The following DAB2IP variants were observed in gnomAD, a reference collection of about 807,000 sequenced individuals.
DAB2IP encodes disabled homolog 2-interacting protein.
In DAB2IP, 28 loss-of-function variants were observed where a neutral mutation model predicts 107.2. The ratio of observed to expected loss-of-function variants is 0.26; its 90% CI spans 0.19 to 0.36. The LOEUF is 0.36. Ranked by LOEUF, DAB2IP falls within the 10% of genes least tolerant of loss-of-function variation. The probability of loss-of-function intolerance (pLI) is 1.00; values close to 1 mark genes in which losing one functional copy is unlikely to be tolerated. For missense variants in DAB2IP, 1,400 were observed against 1,644.7 expected, an observed-to-expected ratio of 0.85 and a Z score of 2.57; for synonymous variants, 755 against 706.4, an observed-to-expected ratio of 1.07 and a Z score of -1.09.
At chr9:121,695,940 C>T (rs574833395) in intron 2 of DAB2IP, among the ~76,000 whole-genome samples, 81 of 152,302 alleles carry the variant, frequency 5.3e-4, no homozygotes, top group Non-Finnish European at 9.7e-4. Flanking sequence ...CCAAACTTGG[C>T]TCACTGCAGC....
chr9:121,715,874 GTTCTTGTAAAC>G (rs935679466), intron 3 of DAB2IP, among the ~76,000 whole-genome samples: 1 of 152,222 alleles, frequency 6.6e-6, no homozygotes, highest in African/African-American at 2.4e-5. Context: ...GTGCTTGTGA[GTTCTTGTAAAC>G]TTCCCAAGGT....
chr9:121,658,996 T>C (rs1392024370), intron 1 of DAB2IP, among the ~76,000 whole-genome samples: 1 of 152,216 alleles, frequency 6.6e-6, no homozygotes, highest in African/African-American at 2.4e-5. Context: ...ACTATCGGCA[T>C]CTGGGCTGTG....
chr9:121,672,125 C>G (rs918054023), intron 1 of DAB2IP, among the ~76,000 whole-genome samples: 2 of 152,036 alleles, frequency 1.3e-5, no homozygotes, highest in African/African-American at 4.8e-5. Flanking sequence ...ATTTCTTTTA[C>G]TTAGTTTCTT....
intron 1 of DAB2IP, among the ~76,000 whole-genome samples, chr9:121,571,821 A>G (rs989317751): frequency 6.6e-6 from 1 of 152,106 alleles, no homozygotes; most frequent in African/African-American, 2.4e-5. Context: ...AGAAGGGCTC[A>G]GACACAGCTG....
chr9:121,628,642 G>A (rs950360113), intron 1 of DAB2IP, among the ~76,000 whole-genome samples: 1 of 152,196 alleles, frequency 6.6e-6, no homozygotes, highest in African/African-American at 2.4e-5. Flanking sequence ...TTAGAATGAA[G>A]AGGCAGTGTC....
rs1006973820 is a variant in DAB2IP, at chr9:121,599,424, C to T, written c.40+32196C>T. 2.6e-5 allele frequency among the ~76,000 whole-genome samples: 4 copies of T among 152,082 alleles called. No individual in the cohort carries two copies. Among genetic ancestry groups the T allele is most frequent in the Non-Finnish European group, 1.5e-5 (1 of 67,980 alleles). On this transcript the variant is annotated intron_variant, in intron 1 of 16. Coordinates refer to the DAB2IP transcript ENST00000259371. The surrounding 1 kb of genome is among the most constrained non-coding windows in gnomAD (Gnocchi z 6.9). ...ATTGACCAAACAGGTGCGCCCCCGC[C>T]CCTCTGCTCCCCGCCCGCGCTGGGT...
chr9:121,588,592 G>T (rs1357871745), intron 1 of DAB2IP, among the ~76,000 whole-genome samples: 1 of 121,496 alleles, frequency 8.2e-6, no homozygotes, highest in Non-Finnish European at 1.8e-5. Context: ...AAGGGAAGGG[G>T]GAAGGGGGAA....
At chr9:121,640,430 G>A (rs572933215) in intron 1 of DAB2IP, among the ~76,000 whole-genome samples, 1 of 152,302 alleles carries the variant, frequency 6.6e-6, no homozygotes, top group African/African-American at 2.4e-5. Context: ...AGCAGGCCCA[G>A]AACATTGTGA....
chr9:121,694,833 G>C (rs2118709163), intron 2 of DAB2IP, among the ~76,000 whole-genome samples: 1 of 152,320 alleles, frequency 6.6e-6, no homozygotes, highest in Middle Eastern at 3.4e-3. Flanking sequence ...AATGAGCTGG[G>C]GGGGTGGCAC....
At chr9:121,758,862 C>T (rs768400658) in intron 4 of DAB2IP, 36 bp from the exon 5 acceptor site, 29 of 1,594,526 alleles carry the variant, frequency 1.8e-5, no homozygotes, top group Non-Finnish European at 2.5e-5. Flanking sequence ...GCTGTGGTCC[C>T]TTCCCTCATA....
chr9:121,661,955 T>C (rs1487850994), intron 1 of DAB2IP, among the ~76,000 whole-genome samples: 1 of 150,988 alleles, frequency 6.6e-6, no homozygotes, highest in Non-Finnish European at 1.5e-5. Context: ...CACTCCGCCC[T>C]GGGCAACAGA....
chr9:121,762,272 T>G (rs1833951261), intron 6 of DAB2IP, among the ~76,000 whole-genome samples: 1 of 152,182 alleles, frequency 6.6e-6, no homozygotes, highest in Non-Finnish European at 1.5e-5. Context: ...CCTTATTGGG[T>G]CCTGGCTCTC....
chr9:121,707,691 T>C (rs1032412009), intron 3 of DAB2IP, among the ~76,000 whole-genome samples: 1 of 152,236 alleles, frequency 6.6e-6, no homozygotes, highest in Admixed American at 6.5e-5. Flanking sequence ...GTGTAGTGTC[T>C]CCCTGTGCCC....
intron 2 of DAB2IP, among the ~76,000 whole-genome samples, chr9:121,691,190 G>A (rs1374049135): frequency 6.6e-6 from 1 of 152,226 alleles, no homozygotes; most frequent in East Asian, 1.9e-4. Context: ...GTCCAGCACT[G>A]GAGACCCAGG....
intron 3 of DAB2IP, among the ~76,000 whole-genome samples, chr9:121,707,255 G>C (rs1166990141): frequency 6.6e-6 from 1 of 152,206 alleles, no homozygotes. Context: ...GGACTGACTG[G>C]TGGGCAGCCT....
At chr9:121,761,803 A>G (rs994488238) in intron 6 of DAB2IP, among the ~76,000 whole-genome samples, 1 of 152,134 alleles carries the variant, frequency 6.6e-6, no homozygotes. Context: ...GTATGCTGGG[A>G]AACGGAATGA....
chr9:121,607,108 G>A (rs1027346092), intron 1 of DAB2IP, among the ~76,000 whole-genome samples: 4 of 152,192 alleles, frequency 2.6e-5, no homozygotes, highest in South Asian at 2.1e-4. Context: ...GAACACCTGC[G>A]CAGATGGGTC....
At chr9:121,783,788 A>G (rs1835823943) in exon 16 of DAB2IP, 3 of 593,080 alleles carry the variant, frequency 5.1e-6, no homozygotes, top group Non-Finnish European at 6.0e-6. Flanking sequence ...GGTTTTCCTC[A>G]GCTCTAGGCT....
chr9:121,699,420 G>C lies in DAB2IP; in HGVS notation c.324G>C (p.Gly108=). 6.8e-7 allele frequency: 1 copy of C among 1,465,678 alleles called. No homozygotes were observed. Among genetic ancestry groups the C allele is most frequent in the Non-Finnish European group, 9.1e-7 (1 of 1,098,516 alleles). 90.8% of individuals were successfully genotyped at this position (1,465,678 alleles called of 1,614,324 possible). A position where few individuals can be genotyped will look rare whatever the true frequency, so the allele number is the denominator to read the frequency against. ...ACAGCTTCCGCCACATCCTGCCGGG[G>C]TTCCGGAGCGCCGCCGCCGCCGCCG... The change falls in exon 3 of 16, where the codon GGG becomes GGC. Residue 108 remains glycine (G), a synonymous_variant. Transcript: ENST00000408936. The surrounding 1 kb of genome is among the most constrained non-coding windows in gnomAD (Gnocchi z 6.2).
Sources: gnomAD v4.1 joint callset for allele counts (sites outside exome capture counted in the v4.1 genomes callset) on GRCh38, gnomAD v4.1.1 for gene constraint, Gnocchi (gnomAD v3.1) non-coding constraint, MANE v1.5 for transcripts, NCBI Gene and HGNC (gene_info 2026-07-23, HGNC 2026-07-21) for gene names.